Variants in RXRG observed in about 807,000 individuals in gnomAD.
The protein encoded by RXRG is retinoid X receptor gamma, also known as retinoic acid receptor RXR-gamma.
A neutral mutation model predicts 49.2 loss-of-function variants in RXRG; 19 were observed. The observed-to-expected ratio is 0.39, with a 90% confidence interval of 0.27 to 0.57. The LOEUF (loss-of-function observed/expected upper bound fraction) is 0.57, where lower values mean the gene tolerates loss of function less well. Among genes scored for constraint, RXRG ranks in the 20% least tolerant of loss-of-function variants. The pLI, the probability that RXRG is intolerant of heterozygous loss-of-function variation, is 0.64. For synonymous variants in RXRG, 224 were observed against 216.6 expected, an observed-to-expected ratio of 1.03 and a Z score of -0.30; for missense variants, 452 against 592.5, an observed-to-expected ratio of 0.76 and a Z score of 2.46.
chr1:165,402,890 ATTC>A (rs1239421515), intron 9 of RXRG, among the ~76,000 whole-genome samples: 3 of 152,078 alleles, frequency 2.0e-5, no homozygotes, highest in Non-Finnish European at 4.4e-5. Flanking sequence ...GCACACACTC[ATTC>A]TCACATATCT....
chr1:165,421,178 C>G (rs774620906), intron 2 of RXRG, among the ~76,000 whole-genome samples: 1 of 152,088 alleles, frequency 6.6e-6, no homozygotes, highest in Non-Finnish European at 1.5e-5. Context: ...ATTTATTGAG[C>G]GCAGGAGGCA....
intron 1 of RXRG, among the ~76,000 whole-genome samples, chr1:165,438,788 T>G (rs1658892263): frequency 6.6e-6 from 1 of 152,236 alleles, no homozygotes; most frequent in Non-Finnish European, 1.5e-5. Flanking sequence ...TACAACATAA[T>G]TAATTCAGAG....
intron 1 of RXRG, among the ~76,000 whole-genome samples, chr1:165,434,280 ATG>A (rs57708987): frequency 3.1e-5 from 4 of 131,098 alleles, no homozygotes; most frequent in Admixed American, 2.3e-4. Flanking sequence ...GCATGTGTGT[ATG>A]TGTGTGTGTG....
intron 1 of RXRG, among the ~76,000 whole-genome samples, chr1:165,437,460 A>T (rs1167873174): frequency 1.3e-5 from 2 of 152,214 alleles, no homozygotes; most frequent in Admixed American, 1.3e-4. Context: ...AATGTTCTGA[A>T]TATTACCCAA....
At position 165,412,653 on chromosome 1, in the gene RXRG, C is replaced by A. The variant is rs566292032; in HGVS notation, c.623-1544G>T. Among the ~76,000 whole-genome samples the A allele has an allele frequency of 1.1e-4, 16 of 152,264 alleles. 1 individual carries two copies. The South Asian group carries it at 3.1e-3, about 30-fold the overall frequency. On this transcript the variant is annotated intron_variant, in intron 4 of 9. Transcript: ENST00000359842. ...AATAATATCGTAAGGATGAATGAAG[C>A]AATTATAAAAACTCAATACAAATAG...
At chr1:165,431,358 C>T (rs1658670389) in intron 1 of RXRG, among the ~76,000 whole-genome samples, 1 of 152,204 alleles carries the variant, frequency 6.6e-6, no homozygotes, top group Admixed American at 6.5e-5. Context: ...TTCAGGTGGC[C>T]ACTCATTGGA....
In RXRG at chr1:165,403,081, A is replaced by G. The variant is rs189401483; in HGVS notation, c.1245-1671T>C. On this transcript the variant is annotated intron_variant, in intron 9 of 9. Transcript: ENST00000359842. ...TACACACCCTCACACACATTTTTCT[A>G]TAACTGAGGACATTTGTTGTGAGAT... is the stretch of plus-strand genomic sequence containing the variant. 1.1e-4 allele frequency among the ~76,000 whole-genome samples: 17 copies of G among 152,314 alleles called. No individual in the cohort carries two copies. The East Asian group carries it at 1.9e-3, about 17-fold the overall frequency.
chr1:165,431,229 C>G (rs1266024323), intron 1 of RXRG, among the ~76,000 whole-genome samples: 1 of 152,146 alleles, frequency 6.6e-6, no homozygotes, highest in Non-Finnish European at 1.5e-5. Flanking sequence ...GATTGGAGAG[C>G]CATCTGCACC....
rs767733501 is a variant in RXRG, at chr1:165,437,174, A to G, written c.49+7671T>C. ...TCACAGCCCTAGCGATGTGGAGAGC[A>G]GAAGTTGGAGAGCAGGGGAAGAACA... On this transcript the variant is annotated intron_variant, in intron 1 of 9. Coordinates refer to ENST00000359842, the MANE Select transcript of RXRG (RefSeq NM_006917.5). 5 of 1,367,702 alleles carry G rather than the reference A, an allele frequency of 3.7e-6. No homozygotes were observed. In the African/African-American group the frequency reaches 4.4e-5, roughly 12 times the overall value. 84.7% of individuals were successfully genotyped at this position (1,367,702 alleles called of 1,614,324 possible).
rs1416940954 is a variant in RXRG at position 165,410,774 on chromosome 1, C to T, written c.841G>A (p.Val281Ile). The T allele has an allele frequency of 1.9e-6, 3 of 1,613,966 alleles. No homozygotes were observed. Among genetic ancestry groups the T allele is most frequent in the Non-Finnish European group, 2.5e-6 (3 of 1,180,014 alleles). The change falls in exon 6 of 10, where the codon GTT becomes ATT. Residue 281 changes from valine to isoleucine, a missense_variant. By Grantham distance (29) the Val-to-Ile change is conservative. Coordinates refer to ENST00000359842, the MANE Select transcript of RXRG (RefSeq NM_006917.5). The stretch of plus-strand genomic sequence containing the variant: ...TGGGGAATACGCTTGGCCCATTCAA[C>T]GAGGGTGAAAAGCTGCTTGTCAGCA... Reference protein sequence around the residue: ...HAADKQLFTLVEWAKRIPHFS... With the variant: ...HAADKQLFTLIEWAKRIPHFS...
chr1:165,440,440 A>C (rs543108011), intron 1 of RXRG, among the ~76,000 whole-genome samples: 2 of 152,278 alleles, frequency 1.3e-5, no homozygotes, highest in South Asian at 4.1e-4. Flanking sequence ...GAATATTTGC[A>C]TTATACTTAC....
At chr1:165,434,676 T>TG (rs1319612133) in intron 1 of RXRG, among the ~76,000 whole-genome samples, 3 of 152,216 alleles carry the variant, frequency 2.0e-5, no homozygotes, top group African/African-American at 7.2e-5. Flanking sequence ...GGGAGCACCA[T>TG]GGGGCCCTAT....
At chr1:165,443,742 C>A (rs1283798116) in intron 1 of RXRG, among the ~76,000 whole-genome samples, 1 of 152,190 alleles carries the variant, frequency 6.6e-6, no homozygotes, top group Non-Finnish European at 1.5e-5. Flanking sequence ...TCACTTCTAC[C>A]TTGCAGTGTG....
intron 1 of RXRG, among the ~76,000 whole-genome samples, chr1:165,438,169 G>GA (rs1481613414): frequency 6.6e-6 from 1 of 151,974 alleles, no homozygotes. Flanking sequence ...GCGATCCTCA[G>GA]AAAAAAAGTG....
intron 4 of RXRG, among the ~76,000 whole-genome samples, chr1:165,415,018 T>C (rs545605417): frequency 3.9e-5 from 6 of 152,312 alleles, no homozygotes; most frequent in Non-Finnish European, 7.3e-5. Context: ...CCCGCCTTCA[T>C]GGATACAGAC....
chr1:165,428,988 T>A, intron 1 of RXRG, 22 bp from the exon 2 acceptor site: 2 of 1,603,724 alleles, frequency 1.2e-6, no homozygotes, highest in South Asian at 1.1e-5. Flanking sequence ...AGAATATAGA[T>A]GGTGGGAGGT....
chr1:165,401,547 C>A (rs1024447105), intron 9 of RXRG, 137 bp from the exon 10 acceptor site: 52 of 917,290 alleles, frequency 5.7e-5, no homozygotes, highest in Non-Finnish European at 1.0e-5. Flanking sequence ...AAGGGGGTCA[C>A]AGAATCTCTA....
chr1:165,422,312 GGTTTATTCATTT>G (rs2101726765), intron 2 of RXRG, among the ~76,000 whole-genome samples: 1 of 152,288 alleles, frequency 6.6e-6, no homozygotes, highest in East Asian at 1.9e-4. Flanking sequence ...CCTTAAAGTG[GGTTTATTCATTT>G]GTTTATTCAG....
intron 4 of RXRG, 83 bp from the exon 5 acceptor site, chr1:165,411,192 T>C: frequency 7.4e-7 from 1 of 1,351,322 alleles, no homozygotes; most frequent in Non-Finnish European, 1.0e-6. Context: ...GAGCCTCAAT[T>C]TACTCATCTA....
Sources: gnomAD v4.1 joint callset for allele counts (sites outside exome capture counted in the v4.1 genomes callset) on GRCh38, gnomAD v4.1.1 for gene constraint, MANE v1.5 for transcripts, NCBI Gene and HGNC (gene_info 2026-07-23, HGNC 2026-07-21) for gene names.